FOXA3: variants seen among roughly 807,000 people sequenced by gnomAD.
The protein encoded by FOXA3 is forkhead box A3, also known as hepatocyte nuclear factor 3-gamma.
Under a neutral mutation model 16.9 loss-of-function variants are expected in FOXA3, and 11 were observed. That is an observed-to-expected ratio of 0.65 (90% CI 0.41 to 1.08). FOXA3 has a LOEUF of 1.08. Among genes scored for constraint, FOXA3 ranks in the 50% least tolerant of loss-of-function variants. The pLI is 0.00. For missense variants in FOXA3, 423 were observed against 470.1 expected, an observed-to-expected ratio of 0.90 and a Z score of 0.93; for synonymous variants, 217 against 203.3, an observed-to-expected ratio of 1.07 and a Z score of -0.57.
rs367990040 is a variant in FOXA3, at chr19:45,872,007, G to A, written c.70-68G>A. 47 of 1,478,214 alleles carry A rather than the reference G, an allele frequency of 3.2e-5. No individual in the cohort carries two copies. In the African/African-American group the frequency reaches 5.8e-4, roughly 18 times the overall value. 91.6% of individuals were successfully genotyped at this position (1,478,214 alleles called of 1,614,324 possible). A position where few individuals can be genotyped will look rare whatever the true frequency, so the allele number is the denominator to read the frequency against. ...TGGACAGACAGACGGACACTCAGTGGGTCCTGGGATCCTTTGCTGACCAGC... is the reference window on the plus strand; with the variant it reads ...TGGACAGACAGACGGACACTCAGTGAGTCCTGGGATCCTTTGCTGACCAGC... On this transcript the variant is annotated intron_variant, in intron 1 of 1. Transcript: ENST00000302177. This position sits in a 1 kb window ranked among gnomAD's most constrained non-coding sequence, Gnocchi z 4.5.
intron 1 of FOXA3, among the ~76,000 whole-genome samples, chr19:45,868,559 G>A (rs1268116702): frequency 2.1e-5 from 3 of 145,708 alleles, no homozygotes; most frequent in African/African-American, 5.1e-5. Flanking sequence ...CAGCCTGGGC[G>A]ATACAGTGAG....
In FOXA3 at chr19:45,872,678, G is replaced by A. The variant is rs763864928; in HGVS notation, c.673G>A (p.Gly225Arg). The change falls in exon 2 of 2, where the codon GGG becomes AGG. Residue 225 changes from glycine (G) to arginine (R), a missense_variant. Gly to Arg is a moderately radical substitution (Grantham distance 125). Transcript: ENST00000302177. The surrounding 1 kb of genome is among the most constrained non-coding windows in gnomAD (Gnocchi z 4.5). ...GGAGAAGGTGAAAAAAGGGGGCAGC[G>A]GGGCTGCCACCACCACCAGGAACGG... ...LEEKVKKGGSGAATTTRNGTG... is the reference protein window; with the variant it reads ...LEEKVKKGGSRAATTTRNGTG... 9.9e-6 allele frequency: 16 copies of A among 1,611,096 alleles called. No individual in the cohort carries two copies. Among genetic ancestry groups the A allele is most frequent in the South Asian group, 3.3e-5 (3 of 90,884 alleles).
chr19:45,869,115 C>T (rs1031965431), intron 1 of FOXA3, among the ~76,000 whole-genome samples: 62 of 152,062 alleles, frequency 4.1e-4, no homozygotes, highest in Non-Finnish European at 4.7e-4. Context: ...TTAGTGGAGA[C>T]GGGGTTTCTC....
chr19:45,867,818 G>A (rs59340658), intron 1 of FOXA3, among the ~76,000 whole-genome samples: 3,095 of 146,830 alleles, frequency 0.021, 115 homozygotes, highest in African/African-American at 0.075. Flanking sequence ...ATGGGCTGAA[G>A]GAGGAAGAAA....
At position 45,873,227 on chromosome 19, in the gene FOXA3, T is replaced by C; in HGVS notation, c.*169T>C. ...GTGGGCATGGTGTTGATCCACGGGG[T>C]ACTGTGATAACCACCATGGATACAT... On this transcript the variant is annotated 3_prime_UTR_variant, in exon 2 of 2. Coordinates refer to ENST00000302177, the MANE Select transcript of FOXA3 (RefSeq NM_004497.3). The C allele has an allele frequency of 9.4e-7, 1 of 1,067,436 alleles. No homozygotes were observed. The highest frequency in any genetic ancestry group is 1.3e-6 in the Non-Finnish European group (1 of 746,974). The allele number at this position is 1,067,436 out of a possible 1,614,324, so 66.1% of individuals were successfully genotyped here.
chr19:45,870,423 T>G (rs1966894632), intron 1 of FOXA3, among the ~76,000 whole-genome samples: 1 of 152,000 alleles, frequency 6.6e-6, no homozygotes, highest in Admixed American at 6.6e-5. Context: ...TCCACCTGCC[T>G]CGGCCTCCCA....
chr19:45,869,504 C>T (rs1196146963), intron 1 of FOXA3, among the ~76,000 whole-genome samples: 3 of 152,190 alleles, frequency 2.0e-5, no homozygotes. Context: ...CAGAGGGTTA[C>T]TTAGGAGGCA....
intron 1 of FOXA3, among the ~76,000 whole-genome samples, chr19:45,867,616 C>T (rs1344246729): frequency 6.6e-6 from 1 of 151,606 alleles, no homozygotes; most frequent in Non-Finnish European, 1.5e-5. Context: ...CCCATCTCTA[C>T]TAAAAATACA....
chr19:45,871,283 T>A (rs1017282206), intron 1 of FOXA3, among the ~76,000 whole-genome samples: 1 of 152,158 alleles, frequency 6.6e-6, no homozygotes, highest in African/African-American at 2.4e-5. Context: ...AGAGCGACAC[T>A]GTTTTTTTCC....
chr19:45,871,931 G>A, intron 1 of FOXA3, 144 bp from the exon 2 acceptor site: 2 of 818,248 alleles, frequency 2.4e-6, no homozygotes, highest in South Asian at 3.6e-5. Flanking sequence ...TTGAGAGACT[G>A]CTTTCTACAG....
At chr19:45,867,313 C>T (rs992744616) in intron 1 of FOXA3, among the ~76,000 whole-genome samples, 3 of 151,976 alleles carry the variant, frequency 2.0e-5, no homozygotes, top group African/African-American at 7.3e-5. Flanking sequence ...GACCCGAAGC[C>T]ACCAACCAGC....
intron 1 of FOXA3, among the ~76,000 whole-genome samples, chr19:45,865,755 G>A (rs928791271): frequency 1.3e-5 from 2 of 152,126 alleles, no homozygotes; most frequent in African/African-American, 2.4e-5. Flanking sequence ...GCCAGTCCTG[G>A]GTTTGGGGAG....
At chr19:45,868,871 T>G (rs1243370104) in intron 1 of FOXA3, among the ~76,000 whole-genome samples, 1 of 152,214 alleles carries the variant, frequency 6.6e-6, no homozygotes, top group East Asian at 1.9e-4. Context: ...CCTGCTAGAC[T>G]GTTGGCACCA....
chr19:45,873,042 T>C lies in FOXA3; in HGVS notation c.1037T>C (p.Leu346Ser). Residue 346 changes from leucine (L) to serine (S), a missense_variant, in exon 2 of 2, where the codon TTG becomes TCG. Around this residue, in one of 3 missense-constraint regions of FOXA3, gnomAD observed 168 missense variants for 179.3 expected, o/e 0.94. Coordinates refer to ENST00000302177, the MANE Select transcript of FOXA3 (RefSeq NM_004497.3). ...VYYQGLYSRS[L>S]LNAS ...TACCAGGGCCTCTATTCCCGCTCTTTGCTTAATGCATCCTAGCAGGGGTTG... is the reference window on the plus strand; with the variant it reads ...TACCAGGGCCTCTATTCCCGCTCTTCGCTTAATGCATCCTAGCAGGGGTTG... 1 of 1,599,632 alleles carries C rather than the reference T, an allele frequency of 6.3e-7. No individual in the cohort carries two copies. Among genetic ancestry groups the C allele is most frequent in the Non-Finnish European group, 8.5e-7 (1 of 1,172,682 alleles).
intron 1 of FOXA3, among the ~76,000 whole-genome samples, chr19:45,867,779 CAAAAAAAA>C (rs60785587): frequency 1.8e-5 from 1 of 55,456 alleles, no homozygotes; most frequent in Non-Finnish European, 2.9e-5. Context: ...GACTCTATCT[CAAAAAAAA>C]AAAAAAAAAA....
At chr19:45,867,967 G>A (rs59547719) in intron 1 of FOXA3, among the ~76,000 whole-genome samples, 18,816 of 150,106 alleles carry the variant, frequency 0.13, 1,188 homozygotes, top group South Asian at 0.16. Context: ...GAGAGGACTC[G>A]GGAGGGGTCG....
rs549464304 is a variant in FOXA3, at chr19:45,867,052, G to A, written c.69+2527G>A. Among the ~76,000 whole-genome samples, 18 of 152,276 alleles carry A rather than the reference G, an allele frequency of 1.2e-4. No individual in the cohort carries two copies. In the South Asian group the frequency reaches 1.2e-3, roughly 11 times the overall value. ...GACACCAGGGGTTCATCCCAGCCCC[G>A]GGGCGTGGGAAAGCCTAGGGTGGAT... On this transcript the variant is annotated intron_variant, in intron 1 of 1. Coordinates refer to ENST00000302177, the MANE Select transcript of FOXA3 (RefSeq NM_004497.3).
chr19:45,864,491 TG>T lies in FOXA3; in HGVS notation c.37del (p.Ala13ProfsTer16). On this transcript the variant is annotated frameshift_variant, in exon 1 of 2. Transcript: ENST00000302177. LOFTEE classifies it high-confidence loss of function. ...TCAGTGAAGATGGAGGCCCATGACC[TG>T]GCCGAGTGGAGCTACTACCCGGAGG... The part of the protein sequence containing the change: ...LGSVKMEAHD[L>X]AEWSYYPEAG... The T allele has an allele frequency of 6.5e-7, 1 of 1,546,114 alleles. No individual in the cohort carries two copies. Among genetic ancestry groups the T allele is most frequent in the Non-Finnish European group, 8.7e-7 (1 of 1,144,414 alleles).
chr19:45,871,635 G>T (rs1487220720), intron 1 of FOXA3, among the ~76,000 whole-genome samples: 2 of 151,656 alleles, frequency 1.3e-5, no homozygotes, highest in Non-Finnish European at 1.5e-5. Context: ...TCTGGAGGCT[G>T]ATGCAGGAGA....
Sources: allele counts gnomAD v4.1 joint callset (sites outside exome capture counted in the v4.1 genomes callset), GRCh38; gene constraint gnomAD v4.1.1; regional missense constraint gnomAD v4.1.1; non-coding constraint Gnocchi (gnomAD v3.1); transcripts MANE v1.5; gene names NCBI Gene and HGNC (gene_info 2026-07-23, HGNC 2026-07-21).